The following ST6GALNAC3 variants were observed in gnomAD, a reference collection of about 807,000 sequenced individuals.
The protein encoded by ST6GALNAC3 is ST6 N-acetylgalactosaminide alpha-2,6-sialyltransferase 3, also known as alpha-N-acetylgalactosaminide alpha-2,6-sialyltransferase 3.
ST6GALNAC3 carries 25 observed loss-of-function variants against 32.7 expected under a neutral mutation model. That is an observed-to-expected ratio of 0.76 (90% CI 0.56 to 1.07). The LOEUF is 1.07. ST6GALNAC3 is among the 50% of genes least tolerant of loss of function. The pLI is 0.00. For synonymous variants in ST6GALNAC3, 129 were observed against 133.1 expected, an observed-to-expected ratio of 0.97 and a Z score of 0.21; for missense variants, 355 against 382.4, an observed-to-expected ratio of 0.93 and a Z score of 0.60.
rs901197763 is a variant in ST6GALNAC3, at chr1:76,232,550, G to A, written c.19-81255G>A. 9.2e-5 allele frequency among the ~76,000 whole-genome samples: 14 copies of A among 152,170 alleles called. No homozygotes were observed. In the East Asian group the frequency reaches 1.5e-3, roughly 17 times the overall value. ...GTCCTTTTTCTAATGGATCCTCCCC[G>A]GAAAGGCTCCTTTGTGCAATTCATC... On this transcript the variant is annotated intron_variant, in intron 1 of 4. Transcript: ENST00000328299.
chr1:76,561,461 A>G (rs1312757123), intron 3 of ST6GALNAC3, among the ~76,000 whole-genome samples: 1 of 152,200 alleles, frequency 6.6e-6, no homozygotes, highest in Non-Finnish European at 1.5e-5. Context: ...AATTTGTCTA[A>G]TGATTTTAGT....
At chr1:76,367,900 AG>A (rs1223418793) in intron 2 of ST6GALNAC3, among the ~76,000 whole-genome samples, 1 of 152,202 alleles carries the variant, frequency 6.6e-6, no homozygotes, top group African/African-American at 2.4e-5. Flanking sequence ...ATGCTACAAA[AG>A]CATCTCTTCT....
chr1:76,429,191 G>C (rs772352934), intron 3 of ST6GALNAC3, among the ~76,000 whole-genome samples: 24 of 152,206 alleles, frequency 1.6e-4, no homozygotes, highest in African/African-American at 5.8e-4. Context: ...TCTCAAGTTA[G>C]AGGTTTGATT....
chr1:76,357,467 T>C (rs940261704), intron 2 of ST6GALNAC3, among the ~76,000 whole-genome samples: 5 of 152,192 alleles, frequency 3.3e-5, no homozygotes, highest in African/African-American at 9.7e-5. Context: ...TCTTCCAATT[T>C]CCTTCCTTGT....
intron 1 of ST6GALNAC3, among the ~76,000 whole-genome samples, chr1:76,112,168 T>C (rs1648032224): frequency 7.7e-6 from 1 of 129,426 alleles, no homozygotes; most frequent in Non-Finnish European, 1.6e-5. Flanking sequence ...GCAGAGGGGC[T>C]CCTCTCTTCC....
At chr1:76,597,648 T>C (rs552750426) in intron 3 of ST6GALNAC3, among the ~76,000 whole-genome samples, 9 of 152,238 alleles carry the variant, frequency 5.9e-5, no homozygotes, top group African/African-American at 2.2e-4. Flanking sequence ...TCAAAGAAGT[T>C]CAAAAATTGG....
intron 3 of ST6GALNAC3, among the ~76,000 whole-genome samples, chr1:76,427,846 C>G (rs1282444330): frequency 3.3e-5 from 5 of 152,094 alleles, no homozygotes; most frequent in African/African-American, 9.7e-5. Flanking sequence ...ACCTCAGAAC[C>G]ATGTAATGCA....
At chr1:76,586,039 C>G (rs1646958015) in intron 3 of ST6GALNAC3, among the ~76,000 whole-genome samples, 1 of 152,206 alleles carries the variant, frequency 6.6e-6, no homozygotes, top group African/African-American at 2.4e-5. Flanking sequence ...GCCACGGGCT[C>G]ATTTCAACTA....
At chr1:76,300,258 A>G (rs1456545544) in intron 1 of ST6GALNAC3, among the ~76,000 whole-genome samples, 3 of 152,030 alleles carry the variant, frequency 2.0e-5, no homozygotes, top group African/African-American at 7.2e-5. Flanking sequence ...TTCTGTTTCA[A>G]TTATGTAGAC....
At chr1:76,385,636 G>A (rs973025778) in intron 2 of ST6GALNAC3, among the ~76,000 whole-genome samples, 8 of 152,112 alleles carry the variant, frequency 5.3e-5, no homozygotes, top group African/African-American at 1.9e-4. Flanking sequence ...TAATTACCTT[G>A]GAGGATCGGA....
At chr1:76,263,282 C>A (rs1454213811) in intron 1 of ST6GALNAC3, among the ~76,000 whole-genome samples, 5 of 152,070 alleles carry the variant, frequency 3.3e-5, no homozygotes, top group Non-Finnish European at 7.4e-5. Flanking sequence ...TAAATGGGCC[C>A]ACGCATGCAA....
intron 3 of ST6GALNAC3, among the ~76,000 whole-genome samples, chr1:76,489,430 TTC>T (rs377559906): frequency 1.3e-5 from 2 of 150,826 alleles, no homozygotes; most frequent in African/African-American, 2.4e-5. Context: ...TTTAGGAGAG[TTC>T]TCTCTCTCTC....
intron 2 of ST6GALNAC3, among the ~76,000 whole-genome samples, chr1:76,365,515 T>C (rs762530448): frequency 6.6e-6 from 1 of 152,224 alleles, no homozygotes; most frequent in Non-Finnish European, 1.5e-5. Context: ...TCCACCTTTA[T>C]TAAAGGTAAA....
intron 3 of ST6GALNAC3, among the ~76,000 whole-genome samples, chr1:76,589,533 A>G (rs531936860): frequency 5.3e-5 from 8 of 152,200 alleles, no homozygotes; most frequent in African/African-American, 1.9e-4. Flanking sequence ...GGTAATTCTT[A>G]TAAGAATTCA....
chr1:76,160,269 G>A lies in ST6GALNAC3; in HGVS notation c.18+85385G>A, dbSNP rs111626330. Among the ~76,000 whole-genome samples the A allele has an allele frequency of 2.8e-4, 42 of 152,242 alleles. 2 individuals carry two copies. Among genetic ancestry groups the A allele is most frequent in the African/African-American group, 9.1e-4 (38 of 41,554 alleles). On this transcript the variant is annotated intron_variant, in intron 1 of 4. Coordinates refer to ENST00000328299, the MANE Select transcript of ST6GALNAC3 (RefSeq NM_152996.4). ...CACTTAAAAGGTTAAAGCTAATGCCGTAAGCATTGGGGAGCTCTCAGAGGA... is the reference window on the plus strand; with the variant it reads ...CACTTAAAAGGTTAAAGCTAATGCCATAAGCATTGGGGAGCTCTCAGAGGA...
intron 1 of ST6GALNAC3, among the ~76,000 whole-genome samples, chr1:76,282,771 G>C (rs1349200713): frequency 6.6e-6 from 1 of 151,768 alleles, no homozygotes; most frequent in African/African-American, 2.4e-5. Flanking sequence ...GCTCACACTT[G>C]TAATCCCAGC....
At chr1:76,271,701 CTTTA>C (rs1189107251) in intron 1 of ST6GALNAC3, among the ~76,000 whole-genome samples, 1 of 152,150 alleles carries the variant, frequency 6.6e-6, no homozygotes, top group African/African-American at 2.4e-5. Flanking sequence ...ACAGTGACAA[CTTTA>C]TTTATGCTTT....
At chr1:76,270,225 G>A (rs945093508) in intron 1 of ST6GALNAC3, among the ~76,000 whole-genome samples, 1 of 152,086 alleles carries the variant, frequency 6.6e-6, no homozygotes, top group Non-Finnish European at 1.5e-5. Flanking sequence ...GTTGGCAACT[G>A]GCCAGGCACG....
intron 3 of ST6GALNAC3, among the ~76,000 whole-genome samples, chr1:76,539,247 C>CA (rs1297523600): frequency 2.0e-5 from 3 of 152,056 alleles, no homozygotes; most frequent in Non-Finnish European, 4.4e-5. Flanking sequence ...ACAAACCTGA[C>CA]AAAAACAAGC....
Sources: gnomAD v4.1 joint callset for allele counts (sites outside exome capture counted in the v4.1 genomes callset) on GRCh38, gnomAD v4.1.1 for gene constraint, MANE v1.5 for transcripts, NCBI Gene and HGNC (gene_info 2026-07-23, HGNC 2026-07-21) for gene names.